PPP1R16B: variants seen among roughly 807,000 people sequenced by gnomAD.
PPP1R16B encodes the protein protein phosphatase 1 regulatory subunit 16B, also known as protein phosphatase 1 regulatory inhibitor subunit 16B.
Under a neutral mutation model 61.7 loss-of-function variants are expected in PPP1R16B, and 14 were observed. That is an observed-to-expected ratio of 0.23 (90% CI 0.15 to 0.35). PPP1R16B has a LOEUF of 0.35. Ranked by LOEUF, PPP1R16B falls within the 10% of genes least tolerant of loss-of-function variation. The pLI, the probability that PPP1R16B is intolerant of heterozygous loss-of-function variation, is 1.00. For missense variants in PPP1R16B, 547 were observed against 752.5 expected (o/e 0.73, Z 3.19); for synonymous variants, 266 against 305.3 (o/e 0.87, Z 1.34).
chr20:38,866,806 A>G (rs550062567), intron 2 of PPP1R16B, among the ~76,000 whole-genome samples: 1 of 152,310 alleles, frequency 6.6e-6, no homozygotes, highest in Admixed American at 6.5e-5. Context: ...AAAGTGTACA[A>G]TTTAGTGGCA....
chr20:38,807,263 T>C (rs2084668719), intron 1 of PPP1R16B, among the ~76,000 whole-genome samples: 1 of 152,204 alleles, frequency 6.6e-6, no homozygotes, highest in Non-Finnish European at 1.5e-5. Context: ...AGCCAGCGAC[T>C]AGCTGTCTAC....
intron 2 of PPP1R16B, among the ~76,000 whole-genome samples, chr20:38,863,202 C>CA (rs1009232027): frequency 1.3e-5 from 2 of 152,132 alleles, no homozygotes; most frequent in African/African-American, 4.8e-5. Flanking sequence ...GCACAAAACA[C>CA]AAAAAATGTG....
At chr20:38,810,360 C>A (rs1359028626) in intron 1 of PPP1R16B, among the ~76,000 whole-genome samples, 1 of 152,200 alleles carries the variant, frequency 6.6e-6, no homozygotes, top group Non-Finnish European at 1.5e-5. Flanking sequence ...ACTCACTGAC[C>A]CGAGGCAGTC....
At chr20:38,871,334 A>G (rs1420793703) in intron 2 of PPP1R16B, among the ~76,000 whole-genome samples, 3 of 152,084 alleles carry the variant, frequency 2.0e-5, no homozygotes, top group African/African-American at 4.8e-5. Context: ...CCTGCACTCA[A>G]ACAAGCAGGT....
intron 2 of PPP1R16B, among the ~76,000 whole-genome samples, chr20:38,855,398 C>A (rs1424354622): frequency 6.6e-6 from 1 of 151,752 alleles, no homozygotes; most frequent in East Asian, 1.9e-4. Context: ...CGCAAAACTT[C>A]CCCCAAGTTA....
At chr20:38,811,090 GA>G (rs1397644744) in intron 1 of PPP1R16B, among the ~76,000 whole-genome samples, 1 of 152,162 alleles carries the variant, frequency 6.6e-6, no homozygotes, top group African/African-American at 2.4e-5. Context: ...GGATGTCTCA[GA>G]ATCTAGAATG....
chr20:38,912,503 C>CAAAAAAAA (rs58456397), intron 10 of PPP1R16B, among the ~76,000 whole-genome samples: 2 of 81,026 alleles, frequency 2.5e-5, no homozygotes. Flanking sequence ...TACCCCCCAC[C>CAAAAAAAA]AAAAAAAAAA....
chr20:38,904,361 C>T (rs1468001499), intron 6 of PPP1R16B, among the ~76,000 whole-genome samples: 1 of 152,226 alleles, frequency 6.6e-6, no homozygotes, highest in Non-Finnish European at 1.5e-5. Flanking sequence ...CTCAGGTCTT[C>T]CCAGTAAACT....
intron 2 of PPP1R16B, among the ~76,000 whole-genome samples, chr20:38,842,960 G>A (rs2084918076): frequency 6.6e-6 from 1 of 152,180 alleles, no homozygotes; most frequent in South Asian, 2.1e-4. Flanking sequence ...TTTTGGTATT[G>A]TTGTGTCAGG....
intron 1 of PPP1R16B, among the ~76,000 whole-genome samples, chr20:38,829,059 T>C (rs1381041825): frequency 6.6e-6 from 1 of 152,160 alleles, no homozygotes; most frequent in Admixed American, 6.5e-5. Context: ...TGGAGCTGAG[T>C]CTCTGCTTCC....
In PPP1R16B at chr20:38,851,225, G is replaced by A. The variant is rs189097988; in HGVS notation, c.250+15050G>A. ...CACGCCTGTAATCCCAGCACTTTGG[G>A]AGGCCAAGGTGGGTGGATCACCAGA... On this transcript the variant is annotated intron_variant, in intron 2 of 10. Coordinates refer to ENST00000299824, the MANE Select transcript of PPP1R16B (RefSeq NM_015568.4). Among the ~76,000 whole-genome samples the A allele has an allele frequency of 6.3e-3, 963 of 152,140 alleles. 11 individuals are homozygous for A. The highest frequency in any genetic ancestry group is 0.022 in the African/African-American group (897 of 41,514).
chr20:38,837,122 G>C (rs975568259), intron 2 of PPP1R16B, among the ~76,000 whole-genome samples: 1 of 152,176 alleles, frequency 6.6e-6, no homozygotes, highest in African/African-American at 2.4e-5. Context: ...AGTCATAAAT[G>C]GTGTAGAGGG....
At chr20:38,890,153 C>T (rs1442397158) in intron 3 of PPP1R16B, among the ~76,000 whole-genome samples, 1 of 152,224 alleles carries the variant, frequency 6.6e-6, no homozygotes, top group East Asian at 1.9e-4. Flanking sequence ...CTGGGGATGG[C>T]TTCTCTGGCT....
At chr20:38,824,003 A>G (rs1454717930) in intron 1 of PPP1R16B, among the ~76,000 whole-genome samples, 1 of 152,216 alleles carries the variant, frequency 6.6e-6, no homozygotes, top group African/African-American at 2.4e-5. Flanking sequence ...AACAGATGCC[A>G]GACTAATCAG....
intron 2 of PPP1R16B, among the ~76,000 whole-genome samples, chr20:38,877,967 T>G (rs2085179927): frequency 6.7e-6 from 1 of 148,818 alleles, no homozygotes; most frequent in Non-Finnish European, 1.5e-5. Context: ...TTTTTTTTTT[T>G]TTTTTTTTTT....
rs1217267511 is a variant in PPP1R16B at position 38,805,783 on chromosome 20, G to A, written c.-111G>A. The A allele has an allele frequency of 6.6e-6, 1 of 152,316 alleles. No individual in the cohort carries two copies. 9.4% of individuals were successfully genotyped at this position (152,316 alleles called of 1,614,324 possible). On this transcript the variant is annotated 5_prime_UTR_variant, in exon 1 of 11. Coordinates refer to ENST00000299824, the MANE Select transcript of PPP1R16B (RefSeq NM_015568.4). ...TCGGGAGCCGCCCGGGGCAGGGCTCGGGAGAGCGGGTGAGTTCCCCGGCGG... is the reference window on the plus strand; with the variant it reads ...TCGGGAGCCGCCCGGGGCAGGGCTCAGGAGAGCGGGTGAGTTCCCCGGCGG...
intron 4 of PPP1R16B, among the ~76,000 whole-genome samples, chr20:38,897,871 A>C (rs2085361735): frequency 6.6e-6 from 1 of 152,146 alleles, no homozygotes; most frequent in African/African-American, 2.4e-5. Flanking sequence ...GCATCTTTTC[A>C]TGTGCCCGTT....
At chr20:38,835,770 T>C (rs1055207468) in intron 1 of PPP1R16B, 55 bp from the exon 2 acceptor site, 14 of 911,868 alleles carry the variant, frequency 1.5e-5, no homozygotes, top group Non-Finnish European at 2.1e-5. Flanking sequence ...GACGATCAGA[T>C]CTGAGTTGTG....
chr20:38,879,275 GAAGA>G (rs2145751408), intron 2 of PPP1R16B, among the ~76,000 whole-genome samples: 1 of 152,288 alleles, frequency 6.6e-6, no homozygotes, highest in South Asian at 2.1e-4. Flanking sequence ...GAAGGGAGAA[GAAGA>G]GAGAGGGAAG....
Sources: allele counts gnomAD v4.1 joint callset (sites outside exome capture counted in the v4.1 genomes callset), GRCh38; gene constraint gnomAD v4.1.1; transcripts MANE v1.5; gene names NCBI Gene and HGNC (gene_info 2026-07-23, HGNC 2026-07-21).